MAGI3: variants seen among roughly 807,000 people sequenced by gnomAD.
MAGI3 encodes membrane associated guanylate kinase, WW and PDZ domain containing 3.
In MAGI3, 43 loss-of-function variants were observed where a neutral mutation model predicts 121.8. The observed-to-expected ratio is 0.35, with a 90% CI of 0.28 to 0.46. The LOEUF (loss-of-function observed/expected upper bound fraction) is 0.46, where lower values mean the gene tolerates loss of function less well. Among genes scored for constraint, MAGI3 ranks in the 20% least tolerant of loss-of-function variants. MAGI3 has a pLI of 1.00. For synonymous variants in MAGI3, 553 were observed against 639.3 expected (o/e 0.86, Z 2.04); for missense variants, 1,547 against 1,797.3 (o/e 0.86, Z 2.52).
chr1:113,514,575 A>T (rs139177310), intron 1 of MAGI3, among the ~76,000 whole-genome samples: 35,896 of 150,352 alleles, frequency 0.24, 4,929 homozygotes, highest in East Asian at 0.62. Context: ...AATTGAACAA[A>T]GAGATCACAT....
intron 9 of MAGI3, among the ~76,000 whole-genome samples, chr1:113,637,119 G>A (rs1652086409): frequency 6.6e-6 from 1 of 152,028 alleles, no homozygotes. Flanking sequence ...GAGTCTATGT[G>A]TGTCTCTGCA....
intron 10 of MAGI3, among the ~76,000 whole-genome samples, chr1:113,643,434 A>G (rs1652661144): frequency 6.6e-6 from 1 of 152,162 alleles, no homozygotes; most frequent in African/African-American, 2.4e-5. Context: ...AACAAGTATA[A>G]CAAAGACACC....
In MAGI3 at chr1:113,685,527, A is replaced by T. The variant is rs912455930; in HGVS notation, c.*1513A>T. 6.6e-6 allele frequency: 1 copy of T among 152,338 alleles called. No homozygotes were observed. The highest frequency in any genetic ancestry group is 1.5e-5 in the Non-Finnish European group (1 of 68,020). The allele number at this position is 152,338 out of a possible 1,614,324, so 9.4% of individuals were successfully genotyped here. On this transcript the variant is annotated 3_prime_UTR_variant, in exon 21 of 21. Transcript: ENST00000307546. ...CATGCTTCCCAGAGTGAGATTTTTG[A>T]AATCCCCTTTTCATCCAGAACTATA...
chr1:113,447,716 T>C (rs1296430443), intron 1 of MAGI3, among the ~76,000 whole-genome samples: 1 of 152,126 alleles, frequency 6.6e-6, no homozygotes, highest in Non-Finnish European at 1.5e-5. Context: ...TAGCCATGCA[T>C]GGTGGCATGT....
chr1:113,518,379 A>G (rs1404184699), intron 1 of MAGI3, among the ~76,000 whole-genome samples: 10 of 152,146 alleles, frequency 6.6e-5, no homozygotes, highest in Admixed American at 5.9e-4. Flanking sequence ...ATTGAATATT[A>G]TGATTTACCT....
chr1:113,422,331 T>G lies in MAGI3; in HGVS notation c.316+30982T>G, dbSNP rs1291867663. 6.6e-6 allele frequency among the ~76,000 whole-genome samples: 1 copy of G among 152,242 alleles called. No homozygotes were observed. The highest frequency in any genetic ancestry group is 2.4e-5 in the African/African-American group (1 of 41,466). ...TGCATGTGTATGTGTGACAGCATCC[T>G]TAGGGTGTTGCTTCACTAGCCGGAA... is the stretch of plus-strand genomic sequence containing the variant. On this transcript the variant is annotated intron_variant, in intron 1 of 20. Transcript: ENST00000307546. The surrounding 1 kb of genome is among the most constrained non-coding windows in gnomAD (Gnocchi z 4.3).
At chr1:113,617,168 C>A (rs573321460) in intron 7 of MAGI3, among the ~76,000 whole-genome samples, 1 of 152,064 alleles carries the variant, frequency 6.6e-6, no homozygotes. Flanking sequence ...GGATCCCAGG[C>A]GTGAGCTACC....
At chr1:113,541,654 C>G (rs1243632427) in intron 1 of MAGI3, among the ~76,000 whole-genome samples, 4 of 152,082 alleles carry the variant, frequency 2.6e-5, no homozygotes, top group Admixed American at 6.5e-5. Flanking sequence ...AGGAGACAGA[C>G]TAGAAATAAT....
At chr1:113,641,186 G>T (rs1418367015) in intron 9 of MAGI3, among the ~76,000 whole-genome samples, 1 of 142,824 alleles carries the variant, frequency 7.0e-6, no homozygotes, top group Non-Finnish European at 1.5e-5. Context: ...ATATATCAGG[G>T]GTGGAGGAGG....
chr1:113,391,321 GC>G lies in MAGI3; in HGVS notation c.291del (p.Ile98SerfsTer6). 1 of 1,598,276 alleles carries G rather than the reference GC, an allele frequency of 6.3e-7. No individual in the cohort carries two copies. The highest frequency in any genetic ancestry group is 8.5e-7 in the Non-Finnish European group (1 of 1,173,204). ...TLAVIRHFRE[P>X]IRLKTVKPGK... is the part of the protein sequence containing the mutation. The stretch of plus-strand genomic sequence containing the variant: ...TGGCTGTCATCCGCCACTTCCGCGA[GC>G]CCATCCGTCTCAAGACTGTGAAACC... On this transcript the variant is annotated frameshift_variant, in exon 1 of 21. Coordinates refer to ENST00000307546, the MANE Select transcript of MAGI3 (RefSeq NM_001142782.2). LOFTEE classifies it high-confidence loss of function. The surrounding 1 kb of genome is among the most constrained non-coding windows in gnomAD (Gnocchi z 4.4).
At chr1:113,423,275 T>G (rs1359099152) in intron 1 of MAGI3, among the ~76,000 whole-genome samples, 1 of 149,950 alleles carries the variant, frequency 6.7e-6, no homozygotes, top group African/African-American at 2.4e-5. Flanking sequence ...GGGGGTTGTT[T>G]TTGTTTTTGT....
At chr1:113,437,876 T>TTCTTCTTCTTCCTCTTCC (rs1653688447) in intron 1 of MAGI3, among the ~76,000 whole-genome samples, 4 of 3,278 alleles carry the variant, frequency 1.2e-3, no homozygotes, top group Non-Finnish European at 2.2e-3. Flanking sequence ...CTTCTTCTTC[T>TTCTTCTTCTTCCTCTTCC]TCTCCTTCTC....
At chr1:113,681,120 T>G in intron 19 of MAGI3, 78 bp from the exon 20 acceptor site, 1 of 1,530,166 alleles carries the variant, frequency 6.5e-7, no homozygotes, top group African/African-American at 1.4e-5. Flanking sequence ...CAAGGTTGAA[T>G]GGCTCAAGAG....
At chr1:113,579,675 T>A (rs181026656) in intron 2 of MAGI3, among the ~76,000 whole-genome samples, 20 of 152,262 alleles carry the variant, frequency 1.3e-4, no homozygotes, top group African/African-American at 4.6e-4. Flanking sequence ...AGGTCCTAGA[T>A]AATGATATGA....
chr1:113,663,964 A>T (rs1653915241), intron 16 of MAGI3, among the ~76,000 whole-genome samples: 1 of 152,196 alleles, frequency 6.6e-6, no homozygotes, highest in African/African-American at 2.4e-5. Flanking sequence ...GATGTTGAAC[A>T]TCTTTTTCAT....
intron 1 of MAGI3, among the ~76,000 whole-genome samples, chr1:113,516,416 A>T (rs905888811): frequency 7.5e-6 from 1 of 132,630 alleles, no homozygotes; most frequent in Non-Finnish European, 1.6e-5. Flanking sequence ...AAAAAAAAAG[A>T]CAAAAATCCC....
chr1:113,664,940 C>T (rs1282888689), intron 16 of MAGI3, among the ~76,000 whole-genome samples: 1 of 152,118 alleles, frequency 6.6e-6, no homozygotes, highest in South Asian at 2.1e-4. Context: ...TTTCTGCCAT[C>T]TGTATGTTCT....
chr1:113,562,206 C>T (rs1251922861), intron 2 of MAGI3, among the ~76,000 whole-genome samples: 1 of 152,128 alleles, frequency 6.6e-6, no homozygotes, highest in Non-Finnish European at 1.5e-5. Flanking sequence ...GAGATCGAGA[C>T]CATCCTGGCT....
In MAGI3 at chr1:113,618,694, T is replaced by A. The variant is rs370197490; in HGVS notation, c.1077-1042T>A. ...CTTATTTTTGTATTTTTAGTAGAGA[T>A]GGGGTTTCACCATGTTGGCCAGGAT... On this transcript the variant is annotated intron_variant, in intron 7 of 20. Transcript: ENST00000307546. 4.0e-5 allele frequency: 12 copies of A among 297,512 alleles called. No individual in the cohort carries two copies. The East Asian group carries it at 1.4e-3, about 34-fold the overall frequency. 18.4% of individuals were successfully genotyped at this position (297,512 alleles called of 1,614,324 possible). A position where few individuals can be genotyped will look rare whatever the true frequency, so the allele number is the denominator to read the frequency against.
Sources: allele counts gnomAD v4.1 joint callset (sites outside exome capture counted in the v4.1 genomes callset), GRCh38; gene constraint gnomAD v4.1.1; non-coding constraint Gnocchi (gnomAD v3.1); transcripts MANE v1.5; gene names NCBI Gene and HGNC (gene_info 2026-07-23, HGNC 2026-07-21).